LRP1B: variants seen among roughly 807,000 people sequenced by gnomAD.
LRP1B encodes LDL receptor related protein 1B, also known as low-density lipoprotein receptor-related protein 1B.
In LRP1B, 217 loss-of-function variants were observed where a neutral mutation model predicts 556.6. That is an observed-to-expected ratio of 0.39 (90% confidence interval 0.35 to 0.44). LRP1B has a LOEUF of 0.44. LRP1B is among the 20% of genes least tolerant of loss of function. The pLI is 1.00. For missense variants in LRP1B, 5,053 were observed against 5,620.8 expected, an observed-to-expected ratio of 0.90 and a Z score of 3.23; for synonymous variants, 2,047 against 1,865.8, an observed-to-expected ratio of 1.10 and a Z score of -2.50.
Position 141,446,769 on chromosome 2 carries a change from G to A in LRP1B, c.343+33627C>T, listed in dbSNP as rs528589421. Among the ~76,000 whole-genome samples the A allele has an allele frequency of 4.5e-3, 682 of 152,228 alleles. 10 individuals are homozygous for A. The highest frequency in any genetic ancestry group is 3.3e-3 in the Non-Finnish European group (221 of 67,998). The stretch of plus-strand genomic sequence containing the variant: ...CTCTGCTGGTTTGCAGGGTTTCTGC[G>A]GAGAGAGACCCACTCTTAGTCTGAT... On this transcript the variant is annotated intron_variant, in intron 3 of 90. Transcript: ENST00000389484.
At chr2:141,960,904 A>C (rs1356160005) in intron 1 of LRP1B, among the ~76,000 whole-genome samples, 1 of 151,854 alleles carries the variant, frequency 6.6e-6, no homozygotes, top group African/African-American at 2.4e-5. Context: ...TACCTCATTT[A>C]GTTAACAGTT....
chr2:140,766,291 T>TTC (rs34263614), intron 35 of LRP1B, among the ~76,000 whole-genome samples: 9,374 of 151,734 alleles, frequency 0.062, 373 homozygotes, highest in Admixed American at 0.11. Flanking sequence ...AGGTTTTCCT[T>TTC]TCTCTCTCTC....
At chr2:141,480,235 C>T in intron 3 of LRP1B, 161 bp downstream of exon 3, 3 of 733,516 alleles carry the variant, frequency 4.1e-6, no homozygotes, top group South Asian at 1.6e-5. Flanking sequence ...ATACTTGCAG[C>T]TTTGAAATGC....
At chr2:140,245,221 C>G (rs1681099307) in intron 87 of LRP1B, among the ~76,000 whole-genome samples, 1 of 151,274 alleles carries the variant, frequency 6.6e-6, no homozygotes, top group Non-Finnish European at 1.5e-5. Context: ...AACTCTTTCC[C>G]CTATTTGATG....
intron 2 of LRP1B, among the ~76,000 whole-genome samples, chr2:141,727,476 A>T (rs1693082662): frequency 6.6e-6 from 1 of 152,174 alleles, no homozygotes; most frequent in Non-Finnish European, 1.5e-5. Context: ...CTCCAGTACA[A>T]TTTAGAAGCC....
At chr2:140,964,436 A>G (rs1696135392) in intron 18 of LRP1B, among the ~76,000 whole-genome samples, 1 of 152,074 alleles carries the variant, frequency 6.6e-6, no homozygotes, top group African/African-American at 2.4e-5. Context: ...CGGTCTGCTA[A>G]GTAGCGGGTG....
rs777633791 is a variant in LRP1B, at chr2:140,950,385, C to T, written c.2986G>A (p.Gly996Arg). The T allele has an allele frequency of 2.5e-6, 4 of 1,605,280 alleles. No individual in the cohort carries two copies. Among genetic ancestry groups the T allele is most frequent in the South Asian group, 2.2e-5 (2 of 89,218 alleles). Residue 996 changes from glycine to arginine, a missense_variant, in exon 20 of 91, where the codon GGG becomes AGG. Around this residue, in one of 5 missense-constraint regions of LRP1B, gnomAD observed 3,619 missense variants for 3,931.9 expected, o/e 0.92. Transcript: ENST00000389484. Reference sequence around the variant, plus strand: ...TGAACACAGCCCACCTCATCACTCCCGTCCCCACAGTCGTCATCTGGAAAG... The same window carrying T: ...TGAACACAGCCCACCTCATCACTCCTGTCCCCACAGTCGTCATCTGGAAAG... Reference protein sequence around the residue: ...HCDSDDDCGDGSDEVGCVHSC... With the variant: ...HCDSDDDCGDRSDEVGCVHSC...
chr2:140,299,351 G>GA (rs1683725733), intron 83 of LRP1B, among the ~76,000 whole-genome samples: 1 of 152,044 alleles, frequency 6.6e-6, no homozygotes, highest in Non-Finnish European at 1.5e-5. Context: ...AAAAATGCTA[G>GA]AGACTGATGC....
chr2:140,762,382 G>C (rs1440393079), intron 35 of LRP1B, among the ~76,000 whole-genome samples: 2 of 152,040 alleles, frequency 1.3e-5, no homozygotes, highest in Non-Finnish European at 2.9e-5. Context: ...TTCCTCAAAA[G>C]ATTCTTTTGA....
chr2:141,030,837 G>T (rs1324736359), intron 11 of LRP1B, among the ~76,000 whole-genome samples: 1 of 152,010 alleles, frequency 6.6e-6, no homozygotes, highest in Non-Finnish European at 1.5e-5. Context: ...TGAATAAAGA[G>T]AAAAGAGAAT....
At chr2:141,538,419 C>G (rs1327329010) in intron 2 of LRP1B, among the ~76,000 whole-genome samples, 1 of 152,110 alleles carries the variant, frequency 6.6e-6, no homozygotes, top group South Asian at 2.1e-4. Flanking sequence ...GGAATCACCA[C>G]TAAAAAGCCT....
rs869303438 is a variant in LRP1B at position 140,803,290 on chromosome 2, T to TTC, written c.5359+10366_5359+10367insGA. Reference sequence around the variant, plus strand: ...TTTTTTTTTTTTTTTTTTTTTTTTTTCCGAGATGGAGTCTCCCTCTGTCTC... The same window carrying TTC: ...TTTTTTTTTTTTTTTTTTTTTTTTTTTCCCGAGATGGAGTCTCCCTCTGTCTC... On this transcript the variant is annotated intron_variant, in intron 32 of 90. Coordinates refer to ENST00000389484, the MANE Select transcript of LRP1B (RefSeq NM_018557.3). 2.7e-3 allele frequency among the ~76,000 whole-genome samples: 312 copies of TTC among 115,246 alleles called. 12 individuals carry two copies. The highest frequency in any genetic ancestry group is 3.9e-3 in the Non-Finnish European group (217 of 56,252). 75.6% of individuals were successfully genotyped at this position (115,246 alleles called of 152,430 possible).
intron 31 of LRP1B, among the ~76,000 whole-genome samples, chr2:140,816,750 T>C (rs1278232958): frequency 6.6e-6 from 1 of 152,102 alleles, no homozygotes; most frequent in Non-Finnish European, 1.5e-5. Flanking sequence ...ACAAATCCTA[T>C]TGTGAATTTT....
intron 58 of LRP1B, among the ~76,000 whole-genome samples, chr2:140,486,391 G>C (rs887592110): frequency 1.3e-5 from 2 of 151,756 alleles, no homozygotes; most frequent in Non-Finnish European, 2.9e-5. Context: ...CAAGACATCT[G>C]TTTTTCTTTT....
intron 2 of LRP1B, among the ~76,000 whole-genome samples, chr2:141,780,292 A>AT (rs148942695): frequency 2.8e-4 from 43 of 151,744 alleles, no homozygotes; most frequent in East Asian, 7.7e-4. Flanking sequence ...AGTTTTAAAC[A>AT]TTTTTTTTGG....
chr2:141,686,664 T>C (rs1013191918), intron 2 of LRP1B, among the ~76,000 whole-genome samples: 2 of 152,030 alleles, frequency 1.3e-5, no homozygotes, highest in African/African-American at 4.8e-5. Flanking sequence ...CCCAATCTTA[T>C]GGTTTGAAGG....
At chr2:141,481,852 G>C (rs1682930293) in intron 2 of LRP1B, among the ~76,000 whole-genome samples, 1 of 152,144 alleles carries the variant, frequency 6.6e-6, no homozygotes. Flanking sequence ...TTAGAATACT[G>C]TCTGGCAGAC....
chr2:140,426,987 T>G (rs1685687795), intron 66 of LRP1B, among the ~76,000 whole-genome samples: 1 of 152,100 alleles, frequency 6.6e-6, no homozygotes, highest in South Asian at 2.1e-4. Context: ...CCAACCTCCC[T>G]CACTATCCCT....
chr2:140,356,291 T>C (rs200361507), intron 75 of LRP1B, 51 bp downstream of exon 75: 4 of 1,587,832 alleles, frequency 2.5e-6, no homozygotes, highest in Non-Finnish European at 3.4e-6. Context: ...GTCTTGGGAA[T>C]CTTCATAACC....
Sources: allele counts gnomAD v4.1 joint callset (sites outside exome capture counted in the v4.1 genomes callset), GRCh38; gene constraint gnomAD v4.1.1; regional missense constraint gnomAD v4.1.1; transcripts MANE v1.5; gene names NCBI Gene and HGNC (gene_info 2026-07-23, HGNC 2026-07-21).